Variants in OR5K1 observed in about 807,000 individuals in gnomAD.
OR5K1 encodes the protein olfactory receptor 5K1.
Under a neutral mutation model 10.4 loss-of-function variants are expected in OR5K1, and 7 were observed. That is an observed-to-expected ratio of 0.67 (90% CI 0.38 to 1.26). The LOEUF (loss-of-function observed/expected upper bound fraction) is 1.26. OR5K1 is among the 50% of genes most tolerant of loss of function. The probability of loss-of-function intolerance (pLI) is 0.02; values close to 1 mark genes in which losing one functional copy is unlikely to be tolerated. For synonymous variants in OR5K1, 135 were observed against 128.5 expected (o/e 1.05, Z -0.34); for missense variants, 435 against 366.2 (o/e 1.19, Z -1.53).
At chr3:98,465,196 A>C (rs1705357159) in intron 1 of OR5K1, among the ~76,000 whole-genome samples, 2 of 152,160 alleles carry the variant, frequency 1.3e-5, no homozygotes. Context: ...TTCATATGTA[A>C]GCATTTATTT....
At position 98,467,777 on chromosome 3, in the gene OR5K1, T is replaced by C. The variant is rs542895831; in HGVS notation, c.-11-1789T>C. On this transcript the variant is annotated intron_variant, in intron 1 of 1. Coordinates refer to ENST00000642057, the MANE Select transcript of OR5K1 (RefSeq NM_001004736.4). ...TATCCTGAGACTTTGCTGAAGTTGCTTATCAGCTTAAGGAGATTTTGGGCT... is the reference window on the plus strand; with the variant it reads ...TATCCTGAGACTTTGCTGAAGTTGCCTATCAGCTTAAGGAGATTTTGGGCT... Among the ~76,000 whole-genome samples, 56 of 139,348 alleles carry C rather than the reference T, an allele frequency of 4.0e-4. 1 individual carries two copies. The highest frequency in any genetic ancestry group is 3.5e-3 in the Middle Eastern group (1 of 288). The allele number at this position is 139,348 out of a possible 152,430, so 91.4% of individuals were successfully genotyped here. A position where few individuals can be genotyped will look rare whatever the true frequency, so the allele number is the denominator to read the frequency against.
intron 1 of OR5K1, among the ~76,000 whole-genome samples, chr3:98,469,054 T>G (rs904081038): frequency 2.0e-5 from 3 of 152,042 alleles, no homozygotes; most frequent in Non-Finnish European, 4.4e-5. Context: ...AACAATTGAC[T>G]GGATAAAGAA....
intron 1 of OR5K1, among the ~76,000 whole-genome samples, chr3:98,469,100 C>T (rs1012353139): frequency 6.6e-6 from 1 of 151,972 alleles, no homozygotes; most frequent in Admixed American, 6.6e-5. Context: ...TACTATGCAG[C>T]CATAAGAAAG....
chr3:98,465,564 G>T (rs1389480547), intron 1 of OR5K1, among the ~76,000 whole-genome samples: 1 of 151,934 alleles, frequency 6.6e-6, no homozygotes, highest in Non-Finnish European at 1.5e-5. Context: ...TCCAGTAATT[G>T]CACAAATTTT....
Position 98,472,790 on chromosome 3 carries a change from G to A in OR5K1, c.*2287G>A, listed in dbSNP as rs974482450. 2.6e-5 allele frequency: 4 copies of A among 151,798 alleles called. No homozygotes were observed. Among genetic ancestry groups the A allele is most frequent in the Admixed American group, 1.3e-4 (2 of 15,172 alleles). 9.4% of individuals were successfully genotyped at this position (151,798 alleles called of 1,614,324 possible). On this transcript the variant is annotated 3_prime_UTR_variant, in exon 2 of 2. Coordinates refer to ENST00000642057, the MANE Select transcript of OR5K1 (RefSeq NM_001004736.4). The stretch of plus-strand genomic sequence containing the variant: ...AACTGCCCTGGTTACTGTCTGAAAC[G>A]GCAGGCATAGTTATTGGGTAAGACA...
At position 98,471,130 on chromosome 3, in the gene OR5K1, A is replaced by T. The variant is rs1470908165; in HGVS notation, c.*627A>T. 1.3e-5 allele frequency: 2 copies of T among 152,094 alleles called. No homozygotes were observed. The highest frequency in any genetic ancestry group is 2.9e-5 in the Non-Finnish European group (2 of 68,006). The allele number at this position is 152,094 out of a possible 1,614,324, so 9.4% of individuals were successfully genotyped here. ...TATTACTGAGTTAAATATTAAACAC[A>T]GAATGTCAATTTTCAAGTCAAGCTA... On this transcript the variant is annotated 3_prime_UTR_variant, in exon 2 of 2. Coordinates refer to ENST00000642057, the MANE Select transcript of OR5K1 (RefSeq NM_001004736.4).
chr3:98,465,998 C>G (rs1165052037), intron 1 of OR5K1, among the ~76,000 whole-genome samples: 1 of 151,832 alleles, frequency 6.6e-6, no homozygotes, highest in Non-Finnish European at 1.5e-5. Flanking sequence ...GCTGCACCCA[C>G]TAACGTGTCA....
At position 98,469,831 on chromosome 3, in the gene OR5K1, C is replaced by A. The variant is rs764085397; in HGVS notation, c.255C>A (p.Phe85Leu). 3.0e-5 allele frequency: 49 copies of A among 1,613,640 alleles called. No homozygotes were observed. In the African/African-American group the frequency reaches 4.8e-4, roughly 16 times the overall value. ...CAITPKMLEN[F>L]FSENKRISLY... ...TTACCCCCAAAATGTTAGAGAACTT[C>A]TTTTCTGAGAACAAAAGGATTTCCC... The change falls in exon 2 of 2, where the codon TTC becomes TTA. Residue 85 changes from phenylalanine to leucine, a missense_variant. Phe to Leu is a conservative substitution (Grantham distance 22). Transcript: ENST00000642057.
At position 98,470,549 on chromosome 3, in the gene OR5K1, T is replaced by C; in HGVS notation, c.*46T>C. The stretch of plus-strand genomic sequence containing the variant: ...AGTGACATCTACTATAGCTTAATGA[T>C]TTAAATGCAGCAAAAACTTCCATGT... On this transcript the variant is annotated 3_prime_UTR_variant, in exon 2 of 2. Coordinates refer to ENST00000642057, the MANE Select transcript of OR5K1 (RefSeq NM_001004736.4). The C allele has an allele frequency of 8.6e-7, 1 of 1,161,192 alleles. No individual in the cohort carries two copies. The highest frequency in any genetic ancestry group is 1.2e-6 in the Non-Finnish European group (1 of 817,248). 71.9% of individuals were successfully genotyped at this position (1,161,192 alleles called of 1,614,324 possible).
chr3:98,465,146 A>T lies in OR5K1; in HGVS notation c.-12+1839A>T, dbSNP rs187248280. On this transcript the variant is annotated intron_variant, in intron 1 of 1. Transcript: ENST00000642057. ...TAATTTTTATTGCATAGAAAAAACT[A>T]GTAATATTTTGATGTATTGTCATGC... is the stretch of plus-strand genomic sequence containing the variant. Among the ~76,000 whole-genome samples, 213 of 152,312 alleles carry T rather than the reference A, an allele frequency of 1.4e-3. 1 individual carries two copies. The highest frequency in any genetic ancestry group is 0.01 in the Middle Eastern group (3 of 294).
At chr3:98,466,981 A>G (rs1420439604) in intron 1 of OR5K1, among the ~76,000 whole-genome samples, 8 of 122,070 alleles carry the variant, frequency 6.6e-5, no homozygotes, top group Middle Eastern at 3.8e-3. Flanking sequence ...GCCCACGCCT[A>G]TGTCCTGAAA....
At position 98,469,933 on chromosome 3, in the gene OR5K1, C is replaced by T. The variant is rs111771929; in HGVS notation, c.357C>T (p.Ala119=). 6,009 of 1,613,716 alleles carry T rather than the reference C, an allele frequency of 3.7e-3. 172 individuals carry two copies. The African/African-American group carries it at 0.069, about 19-fold the overall frequency. Residue 119 remains alanine (A), a synonymous_variant, in exon 2 of 2, where the codon GCC becomes GCT. Coordinates refer to ENST00000642057, the MANE Select transcript of OR5K1 (RefSeq NM_001004736.4). ...ACTGCTTTCTTCTGGCAGCAATGGC[C>T]TATGACCGCTATGTGGCCATATGCA... The part of the protein sequence containing the change: ...TADCFLLAAM[A]YDRYVAICNP...
intron 1 of OR5K1, among the ~76,000 whole-genome samples, chr3:98,468,744 C>T (rs1705403876): frequency 6.6e-6 from 1 of 151,924 alleles, no homozygotes; most frequent in Admixed American, 6.6e-5. Flanking sequence ...TTGCTTCCAC[C>T]TTTTGACTAT....
rs536036649 is a variant in OR5K1 at position 98,471,062 on chromosome 3, A to G, written c.*559A>G. ...TTAGAAAGGAAGTATTAGGAAAACG[A>G]AGGTGTCAAATAATAGTGAATATCA... On this transcript the variant is annotated 3_prime_UTR_variant, in exon 2 of 2. Transcript: ENST00000642057. 3 of 152,096 alleles carry G rather than the reference A, an allele frequency of 2.0e-5. No individual in the cohort carries two copies. The highest frequency in any genetic ancestry group is 4.4e-5 in the Non-Finnish European group (3 of 67,994). The allele number at this position is 152,096 out of a possible 1,614,324, so 9.4% of individuals were successfully genotyped here.
Position 98,471,918 on chromosome 3 carries a change from A to G in OR5K1, c.*1415A>G, listed in dbSNP as rs1705452056. 1 of 152,036 alleles carries G rather than the reference A, an allele frequency of 6.6e-6. No homozygotes were observed. The highest frequency in any genetic ancestry group is 1.5e-5 in the Non-Finnish European group (1 of 67,974). The allele number at this position is 152,036 out of a possible 1,614,324, so 9.4% of individuals were successfully genotyped here. ...AGAAAATCTAACCTAGTTCATTCCA[A>G]TTATACTTGGACATGTGAAGATCTT... On this transcript the variant is annotated 3_prime_UTR_variant, in exon 2 of 2. Coordinates refer to ENST00000642057, the MANE Select transcript of OR5K1 (RefSeq NM_001004736.4).
intron 1 of OR5K1, among the ~76,000 whole-genome samples, chr3:98,469,260 C>G (rs547484963): frequency 1.3e-4 from 20 of 151,914 alleles, no homozygotes. Context: ...AAGAATGGAA[C>G]GACAGACAGT....
chr3:98,469,585 A>G lies in OR5K1; in HGVS notation c.9A>G (p.Glu3=). 6.2e-7 allele frequency: 1 copy of G among 1,607,912 alleles called. No individual in the cohort carries two copies. Among genetic ancestry groups the G allele is most frequent in the South Asian group, 1.1e-5 (1 of 90,314 alleles). ...TTTCAGACAAGTCAGGAATGGCTGAAGAAAATCATACCATGAAAAATGAGT... is the reference window on the plus strand; with the variant it reads ...TTTCAGACAAGTCAGGAATGGCTGAGGAAAATCATACCATGAAAAATGAGT... MA[E]ENHTMKNEFI... is the part of the protein sequence containing the mutation. The change falls in exon 2 of 2, where the codon GAA becomes GAG. Residue 3 remains glutamate (E), a synonymous_variant. Coordinates refer to ENST00000642057, the MANE Select transcript of OR5K1 (RefSeq NM_001004736.4).
At position 98,469,946 on chromosome 3, in the gene OR5K1, G is replaced by A. The variant is rs1705422596; in HGVS notation, c.370G>A (p.Val124Met). The A allele has an allele frequency of 6.2e-7, 1 of 1,613,646 alleles. No individual in the cohort carries two copies. Among genetic ancestry groups the A allele is most frequent in the Non-Finnish European group, 8.5e-7 (1 of 1,179,834 alleles). Residue 124 changes from valine (V) to methionine (M), a missense_variant, in exon 2 of 2, where the codon GTG becomes ATG. Val to Met is a conservative substitution (Grantham distance 21). Transcript: ENST00000642057. Reference sequence around the variant, plus strand: ...GGCAGCAATGGCCTATGACCGCTATGTGGCCATATGCAACCCACTGCAGTA... The same window carrying A: ...GGCAGCAATGGCCTATGACCGCTATATGGCCATATGCAACCCACTGCAGTA... ...LLAAMAYDRY[V>M]AICNPLQYHI...
At chr3:98,465,595 A>G (rs538683503) in intron 1 of OR5K1, among the ~76,000 whole-genome samples, 1 of 152,264 alleles carries the variant, frequency 6.6e-6, no homozygotes, top group South Asian at 2.1e-4. Context: ...ATATATTATC[A>G]TTTCTTTTTA....
Sources: allele counts gnomAD v4.1 joint callset (sites outside exome capture counted in the v4.1 genomes callset), GRCh38; gene constraint gnomAD v4.1.1; transcripts MANE v1.5; gene names NCBI Gene and HGNC (gene_info 2026-07-23, HGNC 2026-07-21).